RPS6KA2: variants seen among roughly 807,000 people sequenced by gnomAD.
RPS6KA2 encodes the protein ribosomal protein S6 kinase alpha-2.
RPS6KA2 carries 42 observed loss-of-function variants against 91.8 expected under a neutral mutation model. The observed-to-expected ratio is 0.46, with a 90% CI of 0.36 to 0.59. The LOEUF (loss-of-function observed/expected upper bound fraction) is 0.59, where lower values mean the gene tolerates loss of function less well. Among genes scored for constraint, RPS6KA2 ranks in the 20% least tolerant of loss-of-function variants. RPS6KA2 has a pLI of 0.00. For missense variants in RPS6KA2, 798 were observed against 978.5 expected (o/e 0.82, Z 2.46); for synonymous variants, 414 against 393.6 (o/e 1.05, Z -0.61).
At chr6:166,468,449 G>C (rs1780621759) in intron 11 of RPS6KA2, among the ~76,000 whole-genome samples, 1 of 152,228 alleles carries the variant, frequency 6.6e-6, no homozygotes, top group South Asian at 2.1e-4. Flanking sequence ...TGAAGGAAGA[G>C]GAGAGCTGGC....
At position 166,581,944 on chromosome 6, in the gene RPS6KA2, G is replaced by A. The variant is rs192891975; in HGVS notation, c.100-43160C>T. Among the ~76,000 whole-genome samples the A allele has an allele frequency of 2.6e-3, 289 of 111,248 alleles. 1 individual carries two copies. Among genetic ancestry groups the A allele is most frequent in the East Asian group, 6.6e-3 (17 of 2,580 alleles). 73.0% of individuals were successfully genotyped at this position (111,248 alleles called of 152,430 possible). A position where few individuals can be genotyped will look rare whatever the true frequency, so the allele number is the denominator to read the frequency against. ...GGTGGGCTGGGCAGGAGGGCACAGG[G>A]AGAGGGTGAGATAGGGTGGGACGCC... On this transcript the variant is annotated intron_variant, in intron 1 of 20. Coordinates refer to ENST00000265678, the MANE Select transcript of RPS6KA2 (RefSeq NM_021135.6).
At chr6:166,833,979 C>T (rs1583165231) in intron 2 of RPS6KA2, among the ~76,000 whole-genome samples, 1 of 151,896 alleles carries the variant, frequency 6.6e-6, no homozygotes, top group Non-Finnish European at 1.5e-5. Context: ...AGTGATCCTC[C>T]CATCTTGGCC....
intron 2 of RPS6KA2, among the ~76,000 whole-genome samples, chr6:166,647,675 C>A (rs993672869): frequency 2.6e-5 from 4 of 152,192 alleles, no homozygotes; most frequent in African/African-American, 9.7e-5. Flanking sequence ...ACCATTTAGC[C>A]AATTGCCTCT....
chr6:166,839,307 C>T (rs1780399406), intron 2 of RPS6KA2, among the ~76,000 whole-genome samples: 1 of 152,120 alleles, frequency 6.6e-6, no homozygotes, highest in Admixed American at 6.5e-5. Flanking sequence ...ATATTTTATA[C>T]TGTGATGATC....
At chr6:166,592,670 AC>A (rs1238526859) in intron 1 of RPS6KA2, among the ~76,000 whole-genome samples, 2 of 136,660 alleles carry the variant, frequency 1.5e-5, no homozygotes, top group African/African-American at 5.6e-5. Flanking sequence ...CAGGGCAGCC[AC>A]CGCACAGAAC....
chr6:166,720,846 C>T (rs1431557218), intron 2 of RPS6KA2, among the ~76,000 whole-genome samples: 1 of 152,174 alleles, frequency 6.6e-6, no homozygotes, highest in East Asian at 1.9e-4. Context: ...GCCGTACCTG[C>T]CTAGCTGCCA....
At chr6:166,729,786 C>G (rs926930092) in intron 2 of RPS6KA2, among the ~76,000 whole-genome samples, 5 of 152,128 alleles carry the variant, frequency 3.3e-5, no homozygotes, top group Non-Finnish European at 5.9e-5. Flanking sequence ...CATATATTTC[C>G]CTGATCAAAG....
At chr6:166,581,531 A>G (rs1416960333) in intron 1 of RPS6KA2, among the ~76,000 whole-genome samples, 1 of 152,172 alleles carries the variant, frequency 6.6e-6, no homozygotes, top group Admixed American at 6.5e-5. Flanking sequence ...CCCAAGGACC[A>G]GGCATGGCAG....
chr6:166,460,036 C>T (rs1024014020), intron 11 of RPS6KA2, among the ~76,000 whole-genome samples: 1 of 152,192 alleles, frequency 6.6e-6, no homozygotes, highest in Non-Finnish European at 1.5e-5. Flanking sequence ...CAAAAACCGC[C>T]GACCCAGAGC....
chr6:166,595,433 C>T (rs778413971), intron 1 of RPS6KA2, among the ~76,000 whole-genome samples: 6 of 152,230 alleles, frequency 3.9e-5, no homozygotes, highest in Admixed American at 6.5e-5. Context: ...CCAAGTTCAA[C>T]GACAGCAAAG....
intron 2 of RPS6KA2, among the ~76,000 whole-genome samples, chr6:166,652,666 G>A (rs1017685370): frequency 2.0e-5 from 3 of 152,042 alleles, no homozygotes; most frequent in African/African-American, 4.8e-5. Context: ...AATCCCACCC[G>A]GTGACCTGCT....
Position 166,695,845 on chromosome 6 carries a change from C to T in RPS6KA2, c.124-157061G>A, listed in dbSNP as rs371782842. On this transcript the variant is annotated intron_variant, in intron 2 of 21. Transcript: ENST00000503859. ...TTCTCACAGGAGCACTGGATTCTCA[C>T]AGGAGCACTGGATTCTCATAGGAGC... 1.7e-3 allele frequency among the ~76,000 whole-genome samples: 245 copies of T among 145,156 alleles called. 7 individuals carry two copies. The East Asian group carries it at 0.038, about 23-fold the overall frequency.
chr6:166,418,836 G>A lies in RPS6KA2; in HGVS notation c.1821-494C>T, dbSNP rs566322308. On this transcript the variant is annotated intron_variant, in intron 18 of 20. Coordinates refer to ENST00000265678, the MANE Select transcript of RPS6KA2 (RefSeq NM_021135.6). The surrounding 1 kb of genome is among the most constrained non-coding windows in gnomAD (Gnocchi z 4.9). ...GCAGCTCTGGCCATATTCCAAGCGC[G>A]TGGGAGGTGTTCATGGTGTCCCACC... Among the ~76,000 whole-genome samples, 9 of 152,382 alleles carry A rather than the reference G, an allele frequency of 5.9e-5. No homozygotes were observed. The South Asian group carries it at 1.0e-3, about 18-fold the overall frequency.
chr6:166,856,454 T>C (rs533877961), intron 2 of RPS6KA2, among the ~76,000 whole-genome samples: 4 of 152,306 alleles, frequency 2.6e-5, no homozygotes, highest in Non-Finnish European at 5.9e-5. Context: ...TATCTTTCTG[T>C]TGTGTAGAAG....
In RPS6KA2 at chr6:166,479,225, C is replaced by A. The variant is rs1781096087; in HGVS notation, c.908-9320G>T. 2.0e-5 allele frequency among the ~76,000 whole-genome samples: 3 copies of A among 152,252 alleles called. No homozygotes were observed. In the South Asian group the frequency reaches 6.2e-4, roughly 31 times the overall value. ...AGAGCCCACGAGCATGAGGGCCACA[C>A]TTTGGCTTCACGGGTCCCCAGAGCC... is the stretch of plus-strand genomic sequence containing the variant. On this transcript the variant is annotated intron_variant, in intron 10 of 20. Coordinates refer to ENST00000265678, the MANE Select transcript of RPS6KA2 (RefSeq NM_021135.6).
At chr6:166,537,456 T>C (rs1015504324) in intron 2 of RPS6KA2, among the ~76,000 whole-genome samples, 2 of 152,232 alleles carry the variant, frequency 1.3e-5, no homozygotes, top group Non-Finnish European at 2.9e-5. Flanking sequence ...AAACACCATA[T>C]CAACTAGCCA....
At chr6:166,447,704 G>T (rs1779723825) in intron 14 of RPS6KA2, among the ~76,000 whole-genome samples, 1 of 152,222 alleles carries the variant, frequency 6.6e-6, no homozygotes, top group African/African-American at 2.4e-5. Context: ...TCTCTTCAGA[G>T]TGTAGGAGAA....
intron 2 of RPS6KA2, among the ~76,000 whole-genome samples, chr6:166,790,127 C>T (rs1040041154): frequency 4.6e-5 from 7 of 152,010 alleles, no homozygotes; most frequent in East Asian, 1.9e-4. Context: ...AAAAATTAGA[C>T]GAATGGATAA....
At chr6:166,671,643 A>G (rs971520611) in intron 2 of RPS6KA2, among the ~76,000 whole-genome samples, 16 of 152,182 alleles carry the variant, frequency 1.1e-4, no homozygotes, top group African/African-American at 3.9e-4. Flanking sequence ...GCCGTGGGTA[A>G]TTTGTCAACA....
Sources: allele counts gnomAD v4.1 joint callset (sites outside exome capture counted in the v4.1 genomes callset), GRCh38; gene constraint gnomAD v4.1.1; non-coding constraint Gnocchi (gnomAD v3.1); transcripts MANE v1.5; gene names NCBI Gene and HGNC (gene_info 2026-07-23, HGNC 2026-07-21).